DAGLA: variants seen among roughly 807,000 people sequenced by gnomAD.
The protein encoded by DAGLA is diacylglycerol lipase alpha.
DAGLA carries 22 observed loss-of-function variants against 102.6 expected under a neutral mutation model. That is an observed-to-expected ratio of 0.21 (90% CI 0.15 to 0.31). DAGLA has a LOEUF of 0.31. Ranked by LOEUF, DAGLA falls within the 10% of genes least tolerant of loss-of-function variation. The pLI is 1.00. For synonymous variants in DAGLA, 578 were observed against 628.9 expected, an observed-to-expected ratio of 0.92 and a Z score of 1.21; for missense variants, 927 against 1,446.6, an observed-to-expected ratio of 0.64 and a Z score of 5.83.
chr11:61,714,376 A>C (rs1318955760), intron 1 of DAGLA, among the ~76,000 whole-genome samples: 1 of 152,244 alleles, frequency 6.6e-6, no homozygotes, highest in Non-Finnish European at 1.5e-5. Context: ...CAGCTGCTGC[A>C]GAGCAACAGG....
chr11:61,728,456 C>T (rs2065349159), intron 7 of DAGLA, among the ~76,000 whole-genome samples, 169 bp downstream of exon 7: 1 of 152,238 alleles, frequency 6.6e-6, no homozygotes, highest in Non-Finnish European at 1.5e-5. Flanking sequence ...CCCCTGCCTT[C>T]CTGAGCTTGT....
At chr11:61,721,975 C>G (rs559810734) in intron 3 of DAGLA, among the ~76,000 whole-genome samples, 1 of 152,344 alleles carries the variant, frequency 6.6e-6, no homozygotes, top group Admixed American at 6.5e-5. Flanking sequence ...CAGGCTGCCC[C>G]CATGAGGCCA....
intron 1 of DAGLA, among the ~76,000 whole-genome samples, chr11:61,709,182 G>A (rs1369956346): frequency 6.6e-6 from 1 of 152,226 alleles, no homozygotes; most frequent in East Asian, 1.9e-4. Flanking sequence ...GGACCTGAGA[G>A]CATATCCTGC....
intron 6 of DAGLA, among the ~76,000 whole-genome samples, chr11:61,727,318 C>T (rs2065336777): frequency 6.6e-6 from 1 of 152,242 alleles, no homozygotes; most frequent in Admixed American, 6.5e-5. Context: ...CAGTATCTGG[C>T]TCCGTTTGGC....
chr11:61,688,784 T>C (rs2065004175), intron 1 of DAGLA, among the ~76,000 whole-genome samples: 1 of 152,142 alleles, frequency 6.6e-6, no homozygotes, highest in Non-Finnish European at 1.5e-5. Context: ...CCTCAACACA[T>C]GCGGAAAGCC....
intron 1 of DAGLA, among the ~76,000 whole-genome samples, chr11:61,699,711 A>C (rs1025513771): frequency 6.6e-6 from 1 of 152,230 alleles, no homozygotes; most frequent in Non-Finnish European, 1.5e-5. Context: ...AGGGAAGGCC[A>C]AAGCATTCAT....
chr11:61,706,928 G>C (rs566453977), intron 1 of DAGLA, among the ~76,000 whole-genome samples: 2 of 152,380 alleles, frequency 1.3e-5, no homozygotes, highest in Admixed American at 1.3e-4. Flanking sequence ...TAGCACTGCT[G>C]GTCTCTCTCA....
At chr11:61,707,448 TC>T (rs2065159091) in intron 1 of DAGLA, among the ~76,000 whole-genome samples, 1 of 152,198 alleles carries the variant, frequency 6.6e-6, no homozygotes, top group African/African-American at 2.4e-5. Flanking sequence ...TTCTCCCCTC[TC>T]CTTTCCAGTC....
rs935868452 is a variant in DAGLA, at chr11:61,684,785, C to T, written c.-45+4281C>T. ...GGTGGTGTGGGAGCGCGCAGGCTCC[C>T]GTGTCTGGCTGGCCTGGTGTTGGTG... On this transcript the variant is annotated intron_variant, in intron 1 of 19. Coordinates refer to ENST00000257215, the MANE Select transcript of DAGLA (RefSeq NM_006133.3). The surrounding 1 kb of genome is among the most constrained non-coding windows in gnomAD (Gnocchi z 4.5). Among the ~76,000 whole-genome samples the T allele has an allele frequency of 1.3e-5, 2 of 151,806 alleles. No individual in the cohort carries two copies. Among genetic ancestry groups the T allele is most frequent in the African/African-American group, 2.4e-5 (1 of 41,316 alleles).
At chr11:61,738,644 T>G (rs1458607384) in intron 16 of DAGLA, among the ~76,000 whole-genome samples, 2 of 152,050 alleles carry the variant, frequency 1.3e-5, no homozygotes, top group Non-Finnish European at 2.9e-5. Flanking sequence ...TGGGTACAGT[T>G]TGTTCTGATT....
In DAGLA at chr11:61,746,687, C is replaced by T. The variant is rs980375269; in HGVS notation, c.*2198C>T. 3 of 152,584 alleles carry T rather than the reference C, an allele frequency of 2.0e-5. No individual in the cohort carries two copies. Among genetic ancestry groups the T allele is most frequent in the East Asian group, 1.9e-4 (1 of 5,332 alleles). 9.5% of individuals were successfully genotyped at this position (152,584 alleles called of 1,614,324 possible). On this transcript the variant is annotated 3_prime_UTR_variant, in exon 20 of 20. Transcript: ENST00000257215. ...CACACTGGGGGGTCTGAGCCACCCC[C>T]CTCAGCCCCGTTCGGCTCAGACCGA...
At chr11:61,707,474 A>G (rs1434145903) in intron 1 of DAGLA, among the ~76,000 whole-genome samples, 1 of 152,204 alleles carries the variant, frequency 6.6e-6, no homozygotes, top group Non-Finnish European at 1.5e-5. Context: ...TGTTGCCCAG[A>G]GCCTCCTGGC....
chr11:61,712,658 A>G (rs889772310), intron 1 of DAGLA, among the ~76,000 whole-genome samples: 2 of 152,194 alleles, frequency 1.3e-5, no homozygotes, highest in South Asian at 2.1e-4. Context: ...ACACCCAGGT[A>G]CAGGCTGGTG....
At chr11:61,707,991 G>GTATT (rs200842768) in intron 1 of DAGLA, among the ~76,000 whole-genome samples, 4,822 of 146,958 alleles carry the variant, frequency 0.033, 266 homozygotes, top group African/African-American at 0.12. Context: ...ATTTATTTAT[G>GTATT]TATTTATTTA....
chr11:61,718,490 C>T (rs1171355770), intron 1 of DAGLA, among the ~76,000 whole-genome samples: 3 of 152,030 alleles, frequency 2.0e-5, no homozygotes, highest in Non-Finnish European at 4.4e-5. Flanking sequence ...GGTGCCCCAG[C>T]CCCCCCTCCT....
intron 5 of DAGLA, among the ~76,000 whole-genome samples, chr11:61,724,607 C>T (rs1190657612): frequency 6.6e-6 from 1 of 152,208 alleles, no homozygotes; most frequent in East Asian, 1.9e-4. Context: ...CTGCTGTGTT[C>T]GGCTCCCCGT....
In DAGLA at chr11:61,741,200, C is replaced by G. The variant is rs969719620; in HGVS notation, c.2022C>G (p.Leu674=). The part of the protein sequence containing the change: ...ENYNKGKTAL[L]SAAKVMVSPT... ...ACAACAAGGGGAAGACCGCTCTGCT[C>G]TCTGCAGCCAAGGTCATGGTGAGCC... The change falls in exon 19 of 20, where the codon CTC becomes CTG. Residue 674 remains leucine (L), a synonymous_variant. Coordinates refer to ENST00000257215, the MANE Select transcript of DAGLA (RefSeq NM_006133.3). The G allele has an allele frequency of 9.9e-6, 16 of 1,613,608 alleles. No individual in the cohort carries two copies. The highest frequency in any genetic ancestry group is 2.7e-5 in the African/African-American group (2 of 75,066).
chr11:61,700,328 A>T (rs1294276673), intron 1 of DAGLA, among the ~76,000 whole-genome samples: 1 of 152,178 alleles, frequency 6.6e-6, no homozygotes, highest in Non-Finnish European at 1.5e-5. Context: ...GCCCTCCTGC[A>T]AGGAGAGCCT....
Position 61,737,259 on chromosome 11 carries a change from CCTT to C in DAGLA, c.1452_1454del (p.Leu485del). The C allele has an allele frequency of 6.2e-7, 1 of 1,613,226 alleles. No individual in the cohort carries two copies. The highest frequency in any genetic ancestry group is 8.5e-7 in the Non-Finnish European group (1 of 1,180,046). On this transcript the variant is annotated inframe_deletion, in exon 14 of 20. Transcript: ENST00000257215. ...CGGGCACTGCTGCCATCCTCTCCTT[CCTT>C]CTGCGCCCACAGTATCCGACCCTCA...
Sources: gnomAD v4.1 joint callset for allele counts (sites outside exome capture counted in the v4.1 genomes callset) on GRCh38, gnomAD v4.1.1 for gene constraint, Gnocchi (gnomAD v3.1) non-coding constraint, MANE v1.5 for transcripts, NCBI Gene and HGNC (gene_info 2026-07-23, HGNC 2026-07-21) for gene names.